The following NR2F1-AS1 variants were observed in gnomAD, a reference collection of about 807,000 sequenced individuals.
The protein encoded by NR2F1-AS1 is NR2F1 antisense RNA 1.
Position 93,490,602 on chromosome 5 carries a change from C to T in NR2F1-AS1, n.638+63159G>A, listed in dbSNP as rs202108206. Among the ~76,000 whole-genome samples the T allele has an allele frequency of 7.1e-4, 68 of 95,844 alleles. 1 individual carries two copies. Among genetic ancestry groups the T allele is most frequent in the African/African-American group, 1.6e-3 (38 of 24,294 alleles). 62.9% of individuals were successfully genotyped at this position (95,844 alleles called of 152,430 possible). On this transcript the variant is annotated intron_variant and non_coding_transcript_variant, in intron 4 of 5. Coordinates refer to ENST00000660523, the Ensembl canonical transcript of NR2F1-AS1. The stretch of plus-strand genomic sequence containing the variant: ...GTGGTGGTGGTGATGGTGGTGGTGG[C>T]GGTGGCAGTGGTGGTGGTGGTGGTG...
intron 4 of NR2F1-AS1, among the ~76,000 whole-genome samples, chr5:93,459,685 A>T (rs868461117): frequency 3.4e-4 from 52 of 152,300 alleles, no homozygotes; most frequent in African/African-American, 1.2e-3. Context: ...AATTGTCCTT[A>T]GATTCGTCAT....
At chr5:93,483,064 G>C (rs1174648381) in intron 4 of NR2F1-AS1, among the ~76,000 whole-genome samples, 1 of 152,202 alleles carries the variant, frequency 6.6e-6, no homozygotes, top group Admixed American at 6.5e-5. Flanking sequence ...TCTGAAGAGA[G>C]CAACAGCTCT....
chr5:93,449,158 C>T (rs971815412), intron 4 of NR2F1-AS1, among the ~76,000 whole-genome samples: 8 of 151,922 alleles, frequency 5.3e-5, no homozygotes, highest in East Asian at 1.9e-4. Context: ...TTAGTACCTC[C>T]GAAGTTACAT....
At chr5:93,584,807 G>C (rs1753195822), upstream of NR2F1-AS1, 1 of 154,990 alleles carries the variant, frequency 6.5e-6, no homozygotes, top group African/African-American at 2.4e-5. Context: ...CAGCAGCGGG[G>C]CGGCCGAGGC....
At chr5:93,478,560 C>T (rs997361677) in intron 4 of NR2F1-AS1, among the ~76,000 whole-genome samples, 10 of 152,006 alleles carry the variant, frequency 6.6e-5, no homozygotes, top group Admixed American at 2.6e-4. Flanking sequence ...TGTGCCACCA[C>T]GCCTGGCTAA....
At chr5:93,422,097 A>T (rs1749100686) in intron 4 of NR2F1-AS1, among the ~76,000 whole-genome samples, 1 of 152,216 alleles carries the variant, frequency 6.6e-6, no homozygotes, top group Admixed American at 6.5e-5. Context: ...TTATCTTTGA[A>T]CATCTGACGA....
At chr5:93,456,969 T>C (rs1749962021) in intron 4 of NR2F1-AS1, among the ~76,000 whole-genome samples, 1 of 152,228 alleles carries the variant, frequency 6.6e-6, no homozygotes, top group South Asian at 2.1e-4. Context: ...CTATTGCCTA[T>C]TGCCGCCAGC....
chr5:93,480,340 A>C (rs1750575488), intron 4 of NR2F1-AS1, among the ~76,000 whole-genome samples: 1 of 152,164 alleles, frequency 6.6e-6, no homozygotes, highest in South Asian at 2.1e-4. Context: ...GAAACTATGG[A>C]GGTCAAAAGG....
intron 2 of NR2F1-AS1, among the ~76,000 whole-genome samples, chr5:93,559,820 C>G (rs1036925363): frequency 1.4e-4 from 22 of 152,146 alleles, no homozygotes; most frequent in African/African-American, 5.1e-4. Context: ...AAAACAATTA[C>G]ATTACTAATA....
At chr5:93,571,980 G>T (rs1281629667) in intron 1 of NR2F1-AS1, among the ~76,000 whole-genome samples, 2 of 152,146 alleles carry the variant, frequency 1.3e-5, no homozygotes, top group South Asian at 4.1e-4. Flanking sequence ...GGGAAATCGG[G>T]CAAAAGAAAG....
chr5:93,579,118 A>T lies in NR2F1-AS1; in HGVS notation n.313+1349T>A, dbSNP rs1172098175. Among the ~76,000 whole-genome samples, 1 of 152,200 alleles carries T rather than the reference A, an allele frequency of 6.6e-6. No homozygotes were observed. The highest frequency in any genetic ancestry group is 1.5e-5 in the Non-Finnish European group (1 of 68,038). On this transcript the variant is annotated intron_variant and non_coding_transcript_variant, in intron 1 of 5. Transcript: ENST00000660523. The surrounding 1 kb of genome is among the most constrained non-coding windows in gnomAD (Gnocchi z 5.1). ...AGAAACTGAGCTCTAAGTGCCACTC[A>T]GGCCGGACGAGTTCCAGAGGGGGAC...
chr5:93,465,236 A>T (rs1750201795), intron 4 of NR2F1-AS1, among the ~76,000 whole-genome samples: 1 of 152,238 alleles, frequency 6.6e-6, no homozygotes, highest in Non-Finnish European at 1.5e-5. Context: ...CAAGAAAAAA[A>T]CAAACAACCC....
At chr5:93,562,205 G>T (rs920729980) in intron 2 of NR2F1-AS1, among the ~76,000 whole-genome samples, 1 of 141,080 alleles carries the variant, frequency 7.1e-6, no homozygotes, top group African/African-American at 2.7e-5. Context: ...AAAAAGAAAA[G>T]AAAAGAAAAG....
chr5:93,505,751 T>C lies in NR2F1-AS1; in HGVS notation n.638+48010A>G, dbSNP rs998977653. 2.0e-5 allele frequency among the ~76,000 whole-genome samples: 3 copies of C among 152,180 alleles called. No individual in the cohort carries two copies. In the East Asian group the frequency reaches 5.8e-4, roughly 29 times the overall value. The stretch of plus-strand genomic sequence containing the variant: ...CCAAGTTCCTAGGCTGCACACAGCA[T>C]GGGGACCCTGGGCCTGGCCCCAAAA... On this transcript the variant is annotated intron_variant and non_coding_transcript_variant, in intron 4 of 5. Coordinates refer to ENST00000660523, the Ensembl canonical transcript of NR2F1-AS1.
chr5:93,476,193 T>G (rs1307131709), intron 4 of NR2F1-AS1, among the ~76,000 whole-genome samples: 1 of 152,214 alleles, frequency 6.6e-6, no homozygotes, highest in Non-Finnish European at 1.5e-5. Context: ...AATGTGAACA[T>G]GCATGTCATA....
intron 4 of NR2F1-AS1, chr5:93,409,808 C>T (rs1748812756): frequency 6.6e-6 from 1 of 152,182 alleles, no homozygotes; most frequent in Non-Finnish European, 1.5e-5. Context: ...TCAAAGAACA[C>T]TTTAAATCCA....
intron 1 of NR2F1-AS1, among the ~76,000 whole-genome samples, chr5:93,566,115 C>T (rs1277658311): frequency 6.6e-6 from 1 of 151,688 alleles, no homozygotes; most frequent in African/African-American, 2.4e-5. Context: ...CTACATAGAA[C>T]CTATGTGTAA....
chr5:93,472,516 T>C (rs1229994465), intron 4 of NR2F1-AS1, among the ~76,000 whole-genome samples: 2 of 151,892 alleles, frequency 1.3e-5, no homozygotes, highest in Non-Finnish European at 3.0e-5. Context: ...TACATGAATA[T>C]ACTCTCACTC....
At chr5:93,488,670 C>A (rs1326806979) in intron 4 of NR2F1-AS1, among the ~76,000 whole-genome samples, 2 of 152,168 alleles carry the variant, frequency 1.3e-5, no homozygotes, top group African/African-American at 4.8e-5. Context: ...TTAGTTCAAC[C>A]ATTGTGGAGG....
Sources: allele counts gnomAD v4.1 joint callset (sites outside exome capture counted in the v4.1 genomes callset), GRCh38; gene constraint gnomAD v4.1.1; non-coding constraint Gnocchi (gnomAD v3.1); transcripts MANE v1.5; gene names NCBI Gene and HGNC (gene_info 2026-07-23, HGNC 2026-07-21).